Variants in PHACTR2 observed in about 807,000 individuals in gnomAD.
The protein encoded by PHACTR2 is phosphatase and actin regulator 2, also known as chromosome 6 open reading frame 56.
In PHACTR2, 30 loss-of-function variants were observed where a neutral mutation model predicts 76.0. The observed-to-expected ratio is 0.39, with a 90% CI of 0.30 to 0.54. The LOEUF (loss-of-function observed/expected upper bound fraction) is 0.54, where lower values mean the gene tolerates loss of function less well. Ranked by LOEUF, PHACTR2 falls within the 20% of genes least tolerant of loss-of-function variation. The pLI, the probability that PHACTR2 is intolerant of heterozygous loss-of-function variation, is 0.61. For missense variants in PHACTR2, 696 were observed against 781.1 expected (o/e 0.89, Z 1.30); for synonymous variants, 292 against 292.5 (o/e 1.00, Z 0.02).
rs1777871271 is a variant in PHACTR2 at position 143,700,087 on chromosome 6, CGTTA to C, written c.47-11926_47-11923del. Among the ~76,000 whole-genome samples, 1 of 152,160 alleles carries C rather than the reference CGTTA, an allele frequency of 6.6e-6. No individual in the cohort carries two copies. Among genetic ancestry groups the C allele is most frequent in the African/African-American group, 2.4e-5 (1 of 41,426 alleles). On this transcript the variant is annotated intron_variant, in intron 1 of 12. Coordinates refer to ENST00000440869, the MANE Select transcript of PHACTR2 (RefSeq NM_001100164.2). The surrounding 1 kb of genome is among the most constrained non-coding windows in gnomAD (Gnocchi z 4.1). The stretch of plus-strand genomic sequence containing the variant: ...AGGAGGCTCTTGGACATAGAGAGAA[CGTTA>C]GTCACATTATATATATTCTCTGGGC...
rs578024569 is a variant in PHACTR2 at position 143,789,460 on chromosome 6, G to C, written c.1845+550G>C. 1 of 152,474 alleles carries C rather than the reference G, an allele frequency of 6.6e-6. No individual in the cohort carries two copies. The highest frequency in any genetic ancestry group is 2.4e-5 in the African/African-American group (1 of 41,554). The allele number at this position is 152,474 out of a possible 1,614,324, so 9.4% of individuals were successfully genotyped here. A position where few individuals can be genotyped will look rare whatever the true frequency, so the allele number is the denominator to read the frequency against. Reference sequence around the variant, plus strand: ...GATGGTGGGCCAAATTTGACCTGCAGGTCAGGCTTACCAACCCCTAATCTA... The same window carrying C: ...GATGGTGGGCCAAATTTGACCTGCACGTCAGGCTTACCAACCCCTAATCTA... On this transcript the variant is annotated intron_variant, in intron 11 of 12. Transcript: ENST00000440869. The surrounding 1 kb of genome is among the most constrained non-coding windows in gnomAD (Gnocchi z 5.1).
Position 143,783,005 on chromosome 6 carries a change from A to ATGTGTGTGTGTGTGTG in PHACTR2, c.1646-198_1646-183dup, listed in dbSNP as rs144077213. The stretch of plus-strand genomic sequence containing the variant: ...AGCAAACCAGTCCTACAAAAAAAGC[A>ATGTGTGTGTGTGTGTG]TGTGTGTGTGTGTGTGTGTGTGTGT... On this transcript the variant is annotated intron_variant, in intron 9 of 12. Transcript: ENST00000440869. The surrounding 1 kb of genome is among the most constrained non-coding windows in gnomAD (Gnocchi z 5.2). 1.4e-4 allele frequency among the ~76,000 whole-genome samples: 20 copies of ATGTGTGTGTGTGTGTG among 146,238 alleles called. No individual in the cohort carries two copies. The highest frequency in any genetic ancestry group is 2.7e-4 in the Non-Finnish European group (18 of 66,428).
At chr6:143,749,152 A>G (rs188259453) in intron 3 of PHACTR2, 87 bp downstream of exon 3, 48 of 731,678 alleles carry the variant, frequency 6.6e-5, no homozygotes, top group Admixed American at 4.7e-4. Context: ...TAAAGGGATC[A>G]TGGTCTTTGT....
chr6:143,744,670 G>C (rs75056334), intron 2 of PHACTR2, among the ~76,000 whole-genome samples: 5,533 of 152,266 alleles, frequency 0.036, 323 homozygotes, highest in African/African-American at 0.13. Context: ...GAAGCCAAGA[G>C]CCAGAAAGAA....
intron 1 of PHACTR2, among the ~76,000 whole-genome samples, chr6:143,661,801 CTTGCCT>C (rs1295145456): frequency 6.6e-6 from 1 of 152,100 alleles, no homozygotes; most frequent in African/African-American, 2.4e-5. Context: ...ATGTGATTCG[CTTGCCT>C]TAGCCTCCAA....
chr6:143,589,726 A>T lies in PHACTR2; in HGVS notation c.217+52519A>T, dbSNP rs756487503. ...TCTTTTAAAGGCCCTATCTCCAAAT[A>T]CAGTCACATTTCAAGGTCCTGGAAG... On this transcript the variant is annotated intron_variant, in intron 1 of 11. Coordinates refer to the PHACTR2 transcript ENST00000367584. This position sits in a 1 kb window ranked among gnomAD's most constrained non-coding sequence, Gnocchi z 4.4. Among the ~76,000 whole-genome samples the T allele has an allele frequency of 6.6e-6, 1 of 152,202 alleles. No homozygotes were observed. The highest frequency in any genetic ancestry group is 1.5e-5 in the Non-Finnish European group (1 of 68,026).
At chr6:143,717,726 C>T (rs1287659124) in intron 2 of PHACTR2, among the ~76,000 whole-genome samples, 1 of 152,054 alleles carries the variant, frequency 6.6e-6, no homozygotes. Flanking sequence ...GCACACACCA[C>T]CACACTCGGC....
At chr6:143,759,769 T>C (rs999037855) in intron 4 of PHACTR2, among the ~76,000 whole-genome samples, 5 of 152,060 alleles carry the variant, frequency 3.3e-5, no homozygotes, top group Admixed American at 3.3e-4. Flanking sequence ...GGGAAAGCTT[T>C]AGAAAATTTT....
At chr6:143,686,481 CTTTTTTTT>C (rs71024870) in intron 1 of PHACTR2, among the ~76,000 whole-genome samples, 2 of 83,986 alleles carry the variant, frequency 2.4e-5, no homozygotes, top group South Asian at 5.2e-4. Flanking sequence ...GAACTTCATT[CTTTTTTTT>C]TTTTTTTTTT....
At position 143,598,581 on chromosome 6, in the gene PHACTR2, T is replaced by C. The variant is rs73003374; in HGVS notation, c.217+61374T>C. Among the ~76,000 whole-genome samples, 170 of 152,182 alleles carry C rather than the reference T, an allele frequency of 1.1e-3. No homozygotes were observed. Among genetic ancestry groups the C allele is most frequent in the Non-Finnish European group, 1.9e-3 (128 of 67,992 alleles). On this transcript the variant is annotated intron_variant, in intron 1 of 11. Transcript: ENST00000367584. The surrounding 1 kb of genome is among the most constrained non-coding windows in gnomAD (Gnocchi z 4.1). The stretch of plus-strand genomic sequence containing the variant: ...TAGGAAAGGAAAGTAAAAGCAGAAG[T>C]GTGGGCCAGGGAGGGATCGCAGTCA...
rs116764355 is a variant in PHACTR2 at position 143,796,916 on chromosome 6, G to A, written c.1845+8006G>A. On this transcript the variant is annotated intron_variant, in intron 11 of 12. Coordinates refer to ENST00000440869, the MANE Select transcript of PHACTR2 (RefSeq NM_001100164.2). ...TGTAGAATAATTTCTAATCCTTTGG[G>A]TATACATCCAGTAATGGAATTGCTG... Among the ~76,000 whole-genome samples the A allele has an allele frequency of 6.1e-3, 932 of 152,246 alleles. 15 individuals are homozygous for A. Among genetic ancestry groups the A allele is most frequent in the African/African-American group, 0.022 (900 of 41,512 alleles).
intron 1 of PHACTR2, among the ~76,000 whole-genome samples, chr6:143,555,426 C>G (rs71564438): frequency 0.015 from 2,249 of 152,250 alleles, 23 homozygotes; most frequent in Middle Eastern, 0.054. Context: ...TTCACACCAG[C>G]ACTGCTTCTA....
chr6:143,588,355 C>T (rs9376768), intron 1 of PHACTR2, among the ~76,000 whole-genome samples: 106,898 of 152,064 alleles, frequency 0.7, 37,970 homozygotes, highest in Middle Eastern at 0.8. Flanking sequence ...GAGAACATTT[C>T]ATTTTTAGAA....
In PHACTR2 at chr6:143,829,299, G is replaced by A. The variant is rs1051598395; in HGVS notation, c.*5610G>A. On this transcript the variant is annotated 3_prime_UTR_variant, in exon 13 of 13. Transcript: ENST00000440869. ...GTTGCATGGGTTAAACACAAACACA[G>A]ACTAGCAATGCACTTGAACAAACCT... is the stretch of plus-strand genomic sequence containing the variant. 7.1e-6 allele frequency: 1 copy of A among 139,950 alleles called. No individual in the cohort carries two copies. Among genetic ancestry groups the A allele is most frequent in the Non-Finnish European group, 1.5e-5 (1 of 66,600 alleles). The allele number at this position is 139,950 out of a possible 1,614,324, so 8.7% of individuals were successfully genotyped here. A position where few individuals can be genotyped will look rare whatever the true frequency, so the allele number is the denominator to read the frequency against.
chr6:143,638,576 T>TACAC (rs113707533), intron 1 of PHACTR2, among the ~76,000 whole-genome samples: 16,197 of 146,862 alleles, frequency 0.11, 917 homozygotes, highest in East Asian at 0.24. Context: ...CACACACACA[T>TACAC]ACACACACAC....
At position 143,652,077 on chromosome 6, in the gene PHACTR2, A is replaced by AG. The variant is rs1436262301; in HGVS notation, c.13+43755_13+43756insG. On this transcript the variant is annotated intron_variant, in intron 1 of 11. Transcript: ENST00000305766. The surrounding 1 kb of genome is among the most constrained non-coding windows in gnomAD (Gnocchi z 4.5). Reference sequence around the variant, plus strand: ...TTCTGTTGTTTAAGCAAAAAAAAAAAAAAAGGCCGGTAAACACTGGTGATT... The same window carrying AG: ...TTCTGTTGTTTAAGCAAAAAAAAAAAGAAAAGGCCGGTAAACACTGGTGATT... 6.6e-6 allele frequency among the ~76,000 whole-genome samples: 1 copy of AG among 151,574 alleles called. No homozygotes were observed. The highest frequency in any genetic ancestry group is 1.5e-5 in the Non-Finnish European group (1 of 67,860).
Position 143,556,390 on chromosome 6 carries a change from T to C in PHACTR2, c.217+19183T>C. Among the ~76,000 whole-genome samples, 2 of 152,238 alleles carry C rather than the reference T, an allele frequency of 1.3e-5. No homozygotes were observed. Among genetic ancestry groups the C allele is most frequent in the Middle Eastern group, 3.4e-3 (1 of 294 alleles). ...GGAGGGAGGTGAGGAATACAGGAAG[T>C]AGTGCATTTTACTAAATGGAGAAAA... On this transcript the variant is annotated intron_variant, in intron 1 of 11. Coordinates refer to the PHACTR2 transcript ENST00000367584. The surrounding 1 kb of genome is among the most constrained non-coding windows in gnomAD (Gnocchi z 4.3).
chr6:143,611,504 T>G lies in PHACTR2; in HGVS notation c.13+3182T>G, dbSNP rs1297459408. On this transcript the variant is annotated intron_variant, in intron 1 of 11. Coordinates refer to the PHACTR2 transcript ENST00000305766. This position sits in a 1 kb window ranked among gnomAD's most constrained non-coding sequence, Gnocchi z 4.4. ...CTCTGCTACCTGTCATCCCAGTGAC[T>G]GTGAACAAGTAATAGAAACTCTATG... Among the ~76,000 whole-genome samples the G allele has an allele frequency of 6.6e-6, 1 of 152,194 alleles. No individual in the cohort carries two copies. The highest frequency in any genetic ancestry group is 6.5e-5 in the Admixed American group (1 of 15,280).
At position 143,738,450 on chromosome 6, in the gene PHACTR2, A is replaced by G. The variant is rs1179261117; in HGVS notation, c.215-10535A>G. 6.6e-6 allele frequency among the ~76,000 whole-genome samples: 1 copy of G among 152,038 alleles called. No individual in the cohort carries two copies. Among genetic ancestry groups the G allele is most frequent in the Non-Finnish European group, 1.5e-5 (1 of 68,002 alleles). ...TTTCAGCCACCTTTACCCCAGGGCA[A>G]TAGAATTAGATCTTTAAATGAGTTG... is the stretch of plus-strand genomic sequence containing the variant. On this transcript the variant is annotated intron_variant, in intron 2 of 12. Coordinates refer to ENST00000440869, the MANE Select transcript of PHACTR2 (RefSeq NM_001100164.2). This position sits in a 1 kb window ranked among gnomAD's most constrained non-coding sequence, Gnocchi z 4.0.
Sources: allele counts gnomAD v4.1 joint callset (sites outside exome capture counted in the v4.1 genomes callset), GRCh38; gene constraint gnomAD v4.1.1; non-coding constraint Gnocchi (gnomAD v3.1); transcripts MANE v1.5; gene names NCBI Gene and HGNC (gene_info 2026-07-23, HGNC 2026-07-21).